Variants in CREB5 observed in about 807,000 individuals in gnomAD.
CREB5 encodes the protein cyclic AMP-responsive element-binding protein 5.
Under a neutral mutation model 57.1 loss-of-function variants are expected in CREB5, and 19 were observed. The ratio of observed to expected loss-of-function variants is 0.33; its 90% confidence interval spans 0.23 to 0.49. The LOEUF (loss-of-function observed/expected upper bound fraction) is 0.49, where lower values mean the gene tolerates loss of function less well. Among genes scored for constraint, CREB5 ranks in the 20% least tolerant of loss-of-function variants. CREB5 has a pLI of 0.99. For synonymous variants in CREB5, 238 were observed against 238.3 expected, an observed-to-expected ratio of 1.00 and a Z score of 0.01; for missense variants, 579 against 671.6, an observed-to-expected ratio of 0.86 and a Z score of 1.52.
chr7:28,739,469 T>G (rs370910416), intron 7 of CREB5, among the ~76,000 whole-genome samples: 66 of 152,318 alleles, frequency 4.3e-4, no homozygotes, highest in African/African-American at 1.5e-3. Context: ...ATAACTGTTT[T>G]AAAATAACAA....
upstream of CREB5, chr7:28,409,380 T>A (rs1787670542): frequency 6.5e-6 from 1 of 154,388 alleles, no homozygotes; most frequent in African/African-American, 2.4e-5. The surrounding 1 kb of genome is among the most constrained non-coding windows in gnomAD (Gnocchi z 4.4). Context: ...TCCAACGTGG[T>A]CCCTTCACCC....
At chr7:28,622,044 G>C (rs1797814565) in intron 5 of CREB5, among the ~76,000 whole-genome samples, 1 of 152,110 alleles carries the variant, frequency 6.6e-6, no homozygotes, top group Non-Finnish European at 1.5e-5. Context: ...CTTATTACCA[G>C]GGTGGAGGTC....
In CREB5 at chr7:28,570,594, G is replaced by A. The variant is rs1795663497; in HGVS notation, c.464+57G>A. On this transcript the variant is annotated intron_variant, in intron 5 of 10. Coordinates refer to ENST00000357727, the MANE Select transcript of CREB5 (RefSeq NM_182898.4). ...CTGGCTGGAACTCAGGAAATGTCCT[G>A]GACTTCCTCCTGGTTTCTGGTGCTC... The A allele has an allele frequency of 1.9e-6, 3 of 1,568,570 alleles. No homozygotes were observed. The South Asian group carries it at 3.6e-5, about 19-fold the overall frequency.
At chr7:28,403,663 T>G (rs994025628) in intron 1 of CREB5, among the ~76,000 whole-genome samples, 1 of 152,150 alleles carries the variant, frequency 6.6e-6, no homozygotes, top group Non-Finnish European at 1.5e-5. Flanking sequence ...CCTCTCAGCA[T>G]GTGAGCATGG....
intron 7 of CREB5, among the ~76,000 whole-genome samples, chr7:28,751,073 C>T (rs554066145): frequency 2.0e-5 from 3 of 152,104 alleles, no homozygotes; most frequent in Admixed American, 2.0e-4. Flanking sequence ...ATTCTCTAGG[C>T]TTCTTCCAAA....
rs148464016 is a variant in CREB5, at chr7:28,328,700, G to T, written c.-25+29259G>T. Among the ~76,000 whole-genome samples, 442 of 152,276 alleles carry T rather than the reference G, an allele frequency of 2.9e-3. 2 individuals carry two copies. Among genetic ancestry groups the T allele is most frequent in the Non-Finnish European group, 5.0e-3 (339 of 68,018 alleles). On this transcript the variant is annotated intron_variant, in intron 1 of 9. Transcript: ENST00000396299. ...TTAGGCACTCTGCTTCTGGGAAGTG[G>T]TTCTCAAACTTATCAAAAGTAATCA... is the stretch of plus-strand genomic sequence containing the variant.
chr7:28,442,793 C>A (rs1217925805), intron 1 of CREB5, among the ~76,000 whole-genome samples: 2 of 152,152 alleles, frequency 1.3e-5, no homozygotes, highest in African/African-American at 4.8e-5. Flanking sequence ...TATCTTGAGT[C>A]AGTATCACTC....
intron 1 of CREB5, among the ~76,000 whole-genome samples, chr7:28,321,780 T>C (rs1441319057): frequency 6.6e-6 from 1 of 152,146 alleles, no homozygotes; most frequent in East Asian, 1.9e-4. Flanking sequence ...GAGAAACACA[T>C]TCAAAGGTAA....
chr7:28,543,255 CCTT>C (rs1198881769), intron 4 of CREB5, among the ~76,000 whole-genome samples: 3 of 152,184 alleles, frequency 2.0e-5, no homozygotes, highest in African/African-American at 7.2e-5. Context: ...AGTTTCCTTT[CCTT>C]CTGCCTTCCA....
intron 5 of CREB5, among the ~76,000 whole-genome samples, chr7:28,588,871 G>A (rs779839726): frequency 1.1e-4 from 17 of 152,172 alleles, no homozygotes; most frequent in Non-Finnish European, 1.8e-4. Context: ...TGGTCAAGCA[G>A]TTGTTCTCCA....
intron 5 of CREB5, among the ~76,000 whole-genome samples, chr7:28,671,665 G>A (rs1583516003): frequency 6.6e-6 from 1 of 152,268 alleles, no homozygotes; most frequent in East Asian, 1.9e-4. Context: ...TTGTTTAGTG[G>A]CCTCAAAGAA....
rs775832266 is a variant in CREB5 at position 28,821,678 on chromosome 7, C to G, written c.*2399C>G. On this transcript the variant is annotated 3_prime_UTR_variant, in exon 11 of 11. Coordinates refer to ENST00000357727, the MANE Select transcript of CREB5 (RefSeq NM_182898.4). Reference sequence around the variant, plus strand: ...TCAGCTTTAAAAAGAAGTTAACATTCATATCTCTGTTTTGAAATCAAAAAT... The same window carrying G: ...TCAGCTTTAAAAAGAAGTTAACATTGATATCTCTGTTTTGAAATCAAAAAT... The G allele has an allele frequency of 2.6e-5, 4 of 152,088 alleles. No individual in the cohort carries two copies. The highest frequency in any genetic ancestry group is 5.9e-5 in the Non-Finnish European group (4 of 68,000). The allele number at this position is 152,088 out of a possible 1,614,324, so 9.4% of individuals were successfully genotyped here.
intron 5 of CREB5, among the ~76,000 whole-genome samples, chr7:28,636,492 C>A (rs1332818075): frequency 6.6e-6 from 1 of 152,148 alleles, no homozygotes. Context: ...TCACTTCTTT[C>A]CTGTGTGGCA....
intron 5 of CREB5, among the ~76,000 whole-genome samples, chr7:28,626,002 GA>G (rs1489905903): frequency 3.9e-5 from 6 of 152,146 alleles, no homozygotes; most frequent in African/African-American, 1.4e-4. Context: ...CACCCTCTGG[GA>G]AAAGTTTACG....
At chr7:28,571,790 G>A (rs923198515) in intron 5 of CREB5, among the ~76,000 whole-genome samples, 1 of 152,302 alleles carries the variant, frequency 6.6e-6, no homozygotes, top group Non-Finnish European at 1.5e-5. Flanking sequence ...AAAGATTTAA[G>A]AGCACATGGG....
At chr7:28,311,097 A>G (rs1178722617) in intron 1 of CREB5, among the ~76,000 whole-genome samples, 2 of 138,688 alleles carry the variant, frequency 1.4e-5, no homozygotes, top group African/African-American at 5.2e-5. Flanking sequence ...GATCAAGACT[A>G]TCCTGGCTAG....
chr7:28,705,377 A>AG (rs1331940587), intron 5 of CREB5, among the ~76,000 whole-genome samples: 2 of 90,436 alleles, frequency 2.2e-5, no homozygotes, highest in African/African-American at 8.2e-5. Flanking sequence ...AAAAAAAAAA[A>AG]AAAAGAAAGA....
At chr7:28,354,321 C>T (rs1786297334) in intron 1 of CREB5, among the ~76,000 whole-genome samples, 1 of 152,140 alleles carries the variant, frequency 6.6e-6, no homozygotes, top group Non-Finnish European at 1.5e-5. Flanking sequence ...ATCTAATCAG[C>T]TGCCAGCGCA....
Position 28,492,223 on chromosome 7 carries a change from C to A in CREB5, c.76-2683C>A, listed in dbSNP as rs534711561. 3.3e-5 allele frequency among the ~76,000 whole-genome samples: 5 copies of A among 152,356 alleles called. No homozygotes were observed. In the East Asian group the frequency reaches 9.6e-4, roughly 29 times the overall value. On this transcript the variant is annotated intron_variant, in intron 2 of 10. Coordinates refer to ENST00000357727, the MANE Select transcript of CREB5 (RefSeq NM_182898.4). ...CCATGTTGGCCAGGCTGGTCTCGAA[C>A]TCCTGACCTCAGGTGATCCATCCGC...
Sources: allele counts gnomAD v4.1 joint callset (sites outside exome capture counted in the v4.1 genomes callset), GRCh38; gene constraint gnomAD v4.1.1; non-coding constraint Gnocchi (gnomAD v3.1); transcripts MANE v1.5; gene names NCBI Gene and HGNC (gene_info 2026-07-23, HGNC 2026-07-21).